The following DPYD variants were observed in gnomAD, a reference collection of about 807,000 sequenced individuals.
DPYD encodes the protein dihydropyrimidine dehydrogenase [NADP(+)].
A neutral mutation model predicts 116.2 loss-of-function variants in DPYD; 109 were observed. That is an observed-to-expected ratio of 0.94 (90% CI 0.80 to 1.10). The LOEUF (loss-of-function observed/expected upper bound fraction) is 1.10. Among genes scored for constraint, DPYD ranks in the 50% least tolerant of loss-of-function variants. The probability of loss-of-function intolerance (pLI) is 0.00; values close to 1 mark genes in which losing one functional copy is unlikely to be tolerated. For missense variants in DPYD, 1,302 were observed against 1,254.5 expected, an observed-to-expected ratio of 1.04 and a Z score of -0.57; for synonymous variants, 440 against 432.0, an observed-to-expected ratio of 1.02 and a Z score of -0.23.
chr1:97,545,105 A>C (rs1244634160), intron 12 of DPYD, among the ~76,000 whole-genome samples: 3 of 152,200 alleles, frequency 2.0e-5, no homozygotes, highest in African/African-American at 7.2e-5. Context: ...CCAGTTATAT[A>C]GAAAAGAGAG....
At chr1:97,705,533 T>C (rs1332841591) in intron 5 of DPYD, among the ~76,000 whole-genome samples, 3 of 152,008 alleles carry the variant, frequency 2.0e-5, no homozygotes, top group Non-Finnish European at 4.4e-5. Context: ...CAGTCTATCA[T>C]TGTTGGACAT....
intron 16 of DPYD, among the ~76,000 whole-genome samples, chr1:97,327,001 A>G (rs756503834): frequency 1.4e-4 from 22 of 152,066 alleles, no homozygotes; most frequent in Non-Finnish European, 2.8e-4. Flanking sequence ...AAATAAATCA[A>G]TTGTGGTTTA....
intron 5 of DPYD, chr1:97,719,726 G>A: frequency 1.0e-6 from 1 of 984,664 alleles, no homozygotes; most frequent in Non-Finnish European, 1.2e-6. Context: ...ACCCTAATCG[G>A]CCAACCCAAA....
intron 10 of DPYD, among the ~76,000 whole-genome samples, chr1:97,592,835 T>C (rs562291351): frequency 6.6e-6 from 1 of 152,322 alleles, no homozygotes; most frequent in African/African-American, 2.4e-5. Flanking sequence ...GTAAATTGGC[T>C]TACGGAAAAT....
At chr1:97,098,759 C>G in intron 20 of DPYD, 127 bp from the exon 21 acceptor site, 1 of 1,106,954 alleles carries the variant, frequency 9.0e-7, no homozygotes, top group South Asian at 1.4e-5. Context: ...TATACTGTAA[C>G]TAGGTCTTCA....
At chr1:97,432,853 T>C (rs537790400) in intron 14 of DPYD, among the ~76,000 whole-genome samples, 36 of 152,164 alleles carry the variant, frequency 2.4e-4, no homozygotes, top group African/African-American at 8.7e-4. Context: ...TGCCTTCAAA[T>C]GTGTCGAGAG....
At chr1:97,337,770 C>T (rs1353004066) in intron 16 of DPYD, among the ~76,000 whole-genome samples, 1 of 151,776 alleles carries the variant, frequency 6.6e-6, no homozygotes, top group Admixed American at 6.6e-5. Flanking sequence ...TTAAGTCTGG[C>T]AGAATGGCAT....
chr1:97,694,077 G>A (rs943982722), intron 6 of DPYD, among the ~76,000 whole-genome samples: 1 of 152,184 alleles, frequency 6.6e-6, no homozygotes, highest in Non-Finnish European at 1.5e-5. Flanking sequence ...GAAAATGGAA[G>A]CCAGGCTGCT....
intron 11 of DPYD, among the ~76,000 whole-genome samples, chr1:97,563,330 G>T (rs763137450): frequency 6.6e-6 from 1 of 152,112 alleles, no homozygotes; most frequent in Non-Finnish European, 1.5e-5. Flanking sequence ...ATAGGCTGTG[G>T]TCAATAAAGC....
intron 18 of DPYD, among the ~76,000 whole-genome samples, chr1:97,295,168 G>A (rs1001383547): frequency 6.6e-6 from 1 of 152,102 alleles, no homozygotes; most frequent in Non-Finnish European, 1.5e-5. Context: ...TAAGTCTGCA[G>A]AATGGGCCCA....
At chr1:97,628,079 T>C (rs1447477555) in intron 8 of DPYD, among the ~76,000 whole-genome samples, 4 of 152,064 alleles carry the variant, frequency 2.6e-5, no homozygotes, top group Non-Finnish European at 5.9e-5. Context: ...CTTCATGATA[T>C]GAAAACTGCC....
intron 16 of DPYD, among the ~76,000 whole-genome samples, chr1:97,324,651 T>C (rs1668619766): frequency 6.6e-6 from 1 of 152,096 alleles, no homozygotes; most frequent in Non-Finnish European, 1.5e-5. Flanking sequence ...TATGTCAGGT[T>C]CAGCAGAATA....
At chr1:97,117,423 A>C (rs918015725) in intron 20 of DPYD, among the ~76,000 whole-genome samples, 2 of 152,214 alleles carry the variant, frequency 1.3e-5, no homozygotes, top group Non-Finnish European at 2.9e-5. Flanking sequence ...ATAACTGCAG[A>C]GGACATTTAC....
intron 13 of DPYD, among the ~76,000 whole-genome samples, chr1:97,483,430 C>G (rs1678432892): frequency 6.6e-6 from 1 of 152,078 alleles, no homozygotes; most frequent in Admixed American, 6.5e-5. Context: ...CATAGTATTA[C>G]TTATAAGTGG....
At chr1:97,094,375 T>C (rs1250884141) in intron 21 of DPYD, among the ~76,000 whole-genome samples, 1 of 152,144 alleles carries the variant, frequency 6.6e-6, no homozygotes. Flanking sequence ...GGACAGTTAA[T>C]ATAATGTTTT....
At chr1:97,090,168 C>T (rs988024877) in intron 21 of DPYD, among the ~76,000 whole-genome samples, 3 of 152,208 alleles carry the variant, frequency 2.0e-5, no homozygotes, top group East Asian at 3.9e-4. Flanking sequence ...TTTAAGGTCC[C>T]ATGGCTGCAG....
intron 16 of DPYD, among the ~76,000 whole-genome samples, chr1:97,307,523 G>A (rs1667243426): frequency 6.6e-6 from 1 of 151,604 alleles, no homozygotes; most frequent in African/African-American, 2.4e-5. Flanking sequence ...ATGCATTTTT[G>A]TGCTAAGATA....
intron 13 of DPYD, among the ~76,000 whole-genome samples, chr1:97,456,217 A>G (rs1386168755): frequency 6.6e-6 from 1 of 151,970 alleles, no homozygotes; most frequent in Non-Finnish European, 1.5e-5. Flanking sequence ...CATTTAATAT[A>G]TGTAATAATA....
At chr1:97,175,986 A>G (rs759795772) in intron 20 of DPYD, among the ~76,000 whole-genome samples, 2 of 152,160 alleles carry the variant, frequency 1.3e-5, no homozygotes, top group Non-Finnish European at 2.9e-5. Context: ...CCTGTACTTG[A>G]CTTTTAGCTC....
Sources: gnomAD v4.1 joint callset for allele counts (sites outside exome capture counted in the v4.1 genomes callset) on GRCh38, gnomAD v4.1.1 for gene constraint, MANE v1.5 for transcripts, NCBI Gene and HGNC (gene_info 2026-07-23, HGNC 2026-07-21) for gene names.